Variants in ATRNL1 observed in about 807,000 individuals in gnomAD.
ATRNL1 encodes the protein attractin-like protein 1.
A neutral mutation model predicts 182.7 loss-of-function variants in ATRNL1; 95 were observed. The ratio of observed to expected loss-of-function variants is 0.52; its 90% CI spans 0.44 to 0.62. The LOEUF (loss-of-function observed/expected upper bound fraction) is 0.62, where lower values mean the gene tolerates loss of function less well. Ranked by LOEUF, ATRNL1 falls within the 20% of genes least tolerant of loss-of-function variation. The pLI, the probability that ATRNL1 is intolerant of heterozygous loss-of-function variation, is 0.00. For synonymous variants in ATRNL1, 576 were observed against 568.3 expected (o/e 1.01, Z -0.19); for missense variants, 1,471 against 1,679.5 (o/e 0.88, Z 2.17).
At chr10:115,925,527 A>G (rs782077653) in intron 28 of ATRNL1, among the ~76,000 whole-genome samples, 21 of 152,120 alleles carry the variant, frequency 1.4e-4, no homozygotes, top group Admixed American at 4.6e-4. Flanking sequence ...CTCATGTGCA[A>G]AGACACACAT....
At chr10:115,192,598 T>A (rs1554890072) in intron 8 of ATRNL1, among the ~76,000 whole-genome samples, 1 of 152,126 alleles carries the variant, frequency 6.6e-6, no homozygotes, top group African/African-American at 2.4e-5. Context: ...TGGTTTCATA[T>A]AAATTTTAGG....
At chr10:115,690,266 A>G (rs1946347667) in intron 26 of ATRNL1, among the ~76,000 whole-genome samples, 1 of 150,654 alleles carries the variant, frequency 6.6e-6, no homozygotes, top group African/African-American at 2.4e-5. Flanking sequence ...ATGGAAGACA[A>G]TTTTTCTACA....
At chr10:115,715,600 A>AAC (rs1399190914) in intron 26 of ATRNL1, among the ~76,000 whole-genome samples, 1 of 152,230 alleles carries the variant, frequency 6.6e-6, no homozygotes, top group Non-Finnish European at 1.5e-5. Flanking sequence ...CATGAAAGAA[A>AAC]ACATGCAGAG....
chr10:115,588,402 A>G (rs1480211107), intron 26 of ATRNL1, among the ~76,000 whole-genome samples: 2 of 152,212 alleles, frequency 1.3e-5, no homozygotes, highest in African/African-American at 4.8e-5. Flanking sequence ...CCTTCCTGAG[A>G]GACCATAGAA....
intron 9 of ATRNL1, among the ~76,000 whole-genome samples, chr10:115,216,391 T>C (rs1849233923): frequency 6.6e-6 from 1 of 152,182 alleles, no homozygotes; most frequent in South Asian, 2.1e-4. Context: ...TATGTGTCCC[T>C]GATCCTTCAT....
chr10:115,268,099 A>G (rs1851684403), intron 12 of ATRNL1, among the ~76,000 whole-genome samples: 1 of 152,232 alleles, frequency 6.6e-6, no homozygotes, highest in South Asian at 2.1e-4. Flanking sequence ...GGATCCTTGT[A>G]TATTGAATAA....
chr10:115,339,067 T>C (rs900718160), intron 19 of ATRNL1, among the ~76,000 whole-genome samples: 3 of 152,196 alleles, frequency 2.0e-5, no homozygotes, highest in Non-Finnish European at 2.9e-5. Context: ...CTCTGTTCTG[T>C]TCCATTGAAC....
chr10:115,906,466 G>A (rs1952506195), intron 28 of ATRNL1, among the ~76,000 whole-genome samples: 1 of 152,062 alleles, frequency 6.6e-6, no homozygotes, highest in Admixed American at 6.6e-5. Flanking sequence ...GCACAGAGCA[G>A]GCTCTGTGTC....
intron 24 of ATRNL1, among the ~76,000 whole-genome samples, chr10:115,474,654 G>GAT (rs1367996641): frequency 6.6e-6 from 1 of 151,218 alleles, no homozygotes; most frequent in Non-Finnish European, 1.5e-5. Context: ...TCTTGAGTCT[G>GAT]GTGGTGGATG....
intron 25 of ATRNL1, among the ~76,000 whole-genome samples, chr10:115,533,958 G>A (rs1851782537): frequency 6.8e-6 from 1 of 146,194 alleles, no homozygotes. Context: ...ATTGCACTGT[G>A]GTCTGAGAGA....
intron 27 of ATRNL1, among the ~76,000 whole-genome samples, chr10:115,832,030 A>G (rs989087915): frequency 6.6e-6 from 1 of 152,190 alleles, no homozygotes; most frequent in Non-Finnish European, 1.5e-5. Flanking sequence ...TACAGGATTA[A>G]TATGTCCTAA....
At chr10:115,651,345 C>G (rs1859989158) in intron 26 of ATRNL1, among the ~76,000 whole-genome samples, 1 of 152,138 alleles carries the variant, frequency 6.6e-6, no homozygotes, top group Non-Finnish European at 1.5e-5. Flanking sequence ...AAAGCTTGCA[C>G]ATATGCCCCT....
intron 26 of ATRNL1, among the ~76,000 whole-genome samples, chr10:115,639,140 C>T (rs2133851967): frequency 6.6e-6 from 1 of 152,230 alleles, no homozygotes; most frequent in South Asian, 2.1e-4. Context: ...AGAAGAAAAT[C>T]TTAAAAGCAA....
chr10:115,793,309 G>A (rs1446200893), intron 27 of ATRNL1, among the ~76,000 whole-genome samples: 1 of 151,932 alleles, frequency 6.6e-6, no homozygotes, highest in Non-Finnish European at 1.5e-5. Context: ...AAACTTATCT[G>A]GCATGTGAAG....
chr10:115,147,122 T>C (rs1554879567), intron 5 of ATRNL1, among the ~76,000 whole-genome samples: 1 of 152,150 alleles, frequency 6.6e-6, no homozygotes, highest in Non-Finnish European at 1.5e-5. Context: ...TTTCTGTGTA[T>C]CCTTGCCAGC....
At chr10:115,574,021 GTAAACCACTTAAAGCAGAAAATT>G (rs1854560723) in intron 26 of ATRNL1, among the ~76,000 whole-genome samples, 2 of 152,120 alleles carry the variant, frequency 1.3e-5, no homozygotes, top group Admixed American at 1.3e-4. Flanking sequence ...CTAAACTTCT[GTAAACCACTTAAAGCAGAAAATT>G]CTTTGGGAAG....
intron 18 of ATRNL1, among the ~76,000 whole-genome samples, chr10:115,323,744 C>T (rs911009011): frequency 3.6e-5 from 5 of 139,876 alleles, no homozygotes; most frequent in East Asian, 2.2e-4. Context: ...GTGCCTGGCC[C>T]GTTATTTTTT....
intron 25 of ATRNL1, among the ~76,000 whole-genome samples, chr10:115,521,982 T>G (rs929203667): frequency 1.3e-5 from 2 of 152,184 alleles, no homozygotes; most frequent in Non-Finnish European, 2.9e-5. Flanking sequence ...GCTGAGTGCG[T>G]CAGCTTTGCA....
In ATRNL1 at chr10:115,920,167, C is replaced by T. The variant is rs545820804; in HGVS notation, c.4019-24491C>T. Among the ~76,000 whole-genome samples, 10 of 152,260 alleles carry T rather than the reference C, an allele frequency of 6.6e-5. No homozygotes were observed. In the East Asian group the frequency reaches 1.9e-3, roughly 29 times the overall value. On this transcript the variant is annotated intron_variant, in intron 28 of 28. Coordinates refer to ENST00000355044, the MANE Select transcript of ATRNL1 (RefSeq NM_207303.4). ...GGACAGCATTCTTGTCACATTATTC[C>T]CCACTACTCCATGCCCATGTTATGT...
Sources: allele counts gnomAD v4.1 joint callset (sites outside exome capture counted in the v4.1 genomes callset), GRCh38; gene constraint gnomAD v4.1.1; transcripts MANE v1.5; gene names NCBI Gene and HGNC (gene_info 2026-07-23, HGNC 2026-07-21).